GOLIM4: variants seen among roughly 807,000 people sequenced by gnomAD.
GOLIM4 encodes golgi integral membrane protein 4, also known as 130 kDa golgi-localized phosphoprotein.
GOLIM4 carries 71 observed loss-of-function variants against 107.4 expected under a neutral mutation model. The ratio of observed to expected loss-of-function variants is 0.66; its 90% CI spans 0.55 to 0.81. The LOEUF (loss-of-function observed/expected upper bound fraction) is 0.81. GOLIM4 is among the 30% of genes least tolerant of loss of function. GOLIM4 has a pLI of 0.00. For missense variants in GOLIM4, 830 were observed against 826.1 expected, an observed-to-expected ratio of 1.00 and a Z score of -0.06; for synonymous variants, 327 against 294.8, an observed-to-expected ratio of 1.11 and a Z score of -1.12.
At chr3:168,078,056 T>G (rs527881379) in intron 1 of GOLIM4, among the ~76,000 whole-genome samples, 6 of 152,070 alleles carry the variant, frequency 3.9e-5, no homozygotes, top group Non-Finnish European at 8.8e-5. Context: ...GAAACCAGTA[T>G]GAATCTTGAA....
At chr3:168,017,454 C>T (rs373421459) in intron 14 of GOLIM4, among the ~76,000 whole-genome samples, 3 of 152,148 alleles carry the variant, frequency 2.0e-5, no homozygotes, top group African/African-American at 7.2e-5. Context: ...TGTGTCACTG[C>T]ACAACAGCCT....
At chr3:168,074,324 G>C (rs548341613) in intron 1 of GOLIM4, among the ~76,000 whole-genome samples, 1 of 152,276 alleles carries the variant, frequency 6.6e-6, no homozygotes, top group Admixed American at 6.5e-5. Flanking sequence ...TAGGTTTTTG[G>C]AGTTATTTGT....
intron 1 of GOLIM4, among the ~76,000 whole-genome samples, chr3:168,088,162 T>C (rs1323361759): frequency 1.3e-5 from 2 of 152,168 alleles, no homozygotes; most frequent in Non-Finnish European, 2.9e-5. Flanking sequence ...GTTGCTATCA[T>C]GTAAAGCATT....
chr3:168,063,769 T>C (rs1356514044), intron 1 of GOLIM4, among the ~76,000 whole-genome samples: 1 of 151,762 alleles, frequency 6.6e-6, no homozygotes, highest in Non-Finnish European at 1.5e-5. Flanking sequence ...TAATGGATAC[T>C]GGACTTAATG....
chr3:168,039,246 T>C (rs1718835390), intron 7 of GOLIM4, among the ~76,000 whole-genome samples: 3 of 149,828 alleles, frequency 2.0e-5, no homozygotes, highest in Non-Finnish European at 1.5e-5. Flanking sequence ...ATTATAACTA[T>C]ATATTAAGAA....
At chr3:168,094,775 T>C (rs1722077786) in intron 1 of GOLIM4, among the ~76,000 whole-genome samples, 1 of 152,210 alleles carries the variant, frequency 6.6e-6, no homozygotes, top group Non-Finnish European at 1.5e-5. Context: ...GGCTACCAGT[T>C]TCCCTGCCCC....
intron 6 of GOLIM4, 52 bp from the exon 7 acceptor site, chr3:168,040,921 C>T (rs778999063): frequency 8.4e-7 from 1 of 1,188,236 alleles, no homozygotes; most frequent in East Asian, 2.3e-5. Context: ...ACGACAAATT[C>T]TTCTTTGGCT....
Position 168,036,859 on chromosome 3 carries a change from T to C in GOLIM4, c.820A>G (p.Lys274Glu), listed in dbSNP as rs1718678679. The change falls in exon 8 of 16, where the codon AAG (lysine) becomes GAG (glutamate). Residue 274 changes from lysine (K) to glutamate (E), a missense_variant. Coordinates refer to ENST00000470487, the MANE Select transcript of GOLIM4 (RefSeq NM_014498.5). ...SPQGYNTARE[K>E]PTREVQEVSR... The stretch of plus-strand genomic sequence containing the variant: ...ACCTCCTGCACCTCTCGGGTTGGCT[T>C]CTCCCTTGCTGTGTTGTAACCTTGT... 6.2e-7 allele frequency: 1 copy of C among 1,613,034 alleles called. No individual in the cohort carries two copies. Among genetic ancestry groups the C allele is most frequent in the South Asian group, 1.1e-5 (1 of 90,830 alleles).
chr3:168,064,504 A>T (rs1720440837), intron 1 of GOLIM4, among the ~76,000 whole-genome samples: 1 of 152,210 alleles, frequency 6.6e-6, no homozygotes, highest in African/African-American at 2.4e-5. Flanking sequence ...TGATAGCCTG[A>T]CTTACACCAA....
intron 14 of GOLIM4, among the ~76,000 whole-genome samples, chr3:168,014,905 T>C (rs1260650078): frequency 6.6e-6 from 1 of 150,430 alleles, no homozygotes; most frequent in Non-Finnish European, 1.5e-5. Flanking sequence ...TAATAAGAGC[T>C]ATCTATGACA....
At chr3:168,013,011 A>C (rs1443779872) in intron 14 of GOLIM4, among the ~76,000 whole-genome samples, 1 of 148,572 alleles carries the variant, frequency 6.7e-6, no homozygotes, top group East Asian at 1.9e-4. Context: ...CTAACATCAT[A>C]ATGACAGGAT....
chr3:168,033,157 A>C (rs564268463), intron 8 of GOLIM4, among the ~76,000 whole-genome samples: 1 of 152,222 alleles, frequency 6.6e-6, no homozygotes, highest in African/African-American at 2.4e-5. Flanking sequence ...CCCTTAGAAT[A>C]AAAAGGAACA....
At chr3:168,091,132 A>G (rs4547749) in intron 1 of GOLIM4, among the ~76,000 whole-genome samples, 31,713 of 152,118 alleles carry the variant, frequency 0.21, 5,816 homozygotes, top group African/African-American at 0.5. Context: ...TGAGAAATCC[A>G]CACTTGTAAC....
chr3:168,079,626 C>T (rs1472916422), intron 1 of GOLIM4, among the ~76,000 whole-genome samples: 1 of 152,054 alleles, frequency 6.6e-6, no homozygotes, highest in African/African-American at 2.4e-5. Flanking sequence ...TTTGGTTGCG[C>T]TATACACATG....
chr3:168,046,906 A>C, intron 3 of GOLIM4, 44 bp downstream of exon 3: 1 of 1,050,528 alleles, frequency 9.5e-7, no homozygotes. Context: ...TATGAAAACA[A>C]ATTAAGGAAA....
chr3:168,041,002 A>G (rs1718965265), intron 6 of GOLIM4, 133 bp from the exon 7 acceptor site: 4 of 630,168 alleles, frequency 6.3e-6, no homozygotes, highest in African/African-American at 1.8e-5. Flanking sequence ...GTTAAGTTTA[A>G]AAATCATCGT....
chr3:168,020,706 G>T (rs1285920564), intron 14 of GOLIM4, among the ~76,000 whole-genome samples: 1 of 152,126 alleles, frequency 6.6e-6, no homozygotes, highest in African/African-American at 2.4e-5. Flanking sequence ...TGAAAATTTT[G>T]TAATTTTCCA....
At chr3:168,073,294 C>A (rs1430289547) in intron 1 of GOLIM4, among the ~76,000 whole-genome samples, 1 of 152,168 alleles carries the variant, frequency 6.6e-6, no homozygotes, top group Non-Finnish European at 1.5e-5. Flanking sequence ...TTCAGAGTAT[C>A]TAGCATAGTG....
At chr3:168,071,350 CA>C (rs1371796117) in intron 1 of GOLIM4, among the ~76,000 whole-genome samples, 5 of 152,046 alleles carry the variant, frequency 3.3e-5, no homozygotes, top group Admixed American at 2.0e-4. Context: ...GTGCATGGCA[CA>C]TAACAGATAA....
Sources: allele counts gnomAD v4.1 joint callset (sites outside exome capture counted in the v4.1 genomes callset), GRCh38; gene constraint gnomAD v4.1.1; transcripts MANE v1.5; gene names NCBI Gene and HGNC (gene_info 2026-07-23, HGNC 2026-07-21).